MTDH: variants seen among roughly 807,000 people sequenced by gnomAD.
MTDH encodes the protein protein LYRIC.
Under a neutral mutation model 72.7 loss-of-function variants are expected in MTDH, and 34 were observed. That is an observed-to-expected ratio of 0.47 (90% confidence interval 0.36 to 0.62). The LOEUF (loss-of-function observed/expected upper bound fraction) is 0.62. MTDH is among the 20% of genes least tolerant of loss of function. The probability of loss-of-function intolerance (pLI) is 0.00; values close to 1 mark genes in which losing one functional copy is unlikely to be tolerated. For synonymous variants in MTDH, 266 were observed against 268.9 expected (o/e 0.99, Z 0.10); for missense variants, 677 against 699.4 (o/e 0.97, Z 0.36).
chr8:97,711,528 T>C (rs1814636233), intron 8 of MTDH, among the ~76,000 whole-genome samples: 1 of 151,696 alleles, frequency 6.6e-6, no homozygotes, highest in South Asian at 2.1e-4. Context: ...AACAGAGTGA[T>C]CCCCTGTACC....
At chr8:97,678,272 C>T (rs375594807) in intron 2 of MTDH, among the ~76,000 whole-genome samples, 1 of 152,028 alleles carries the variant, frequency 6.6e-6, no homozygotes, top group Admixed American at 6.6e-5. Context: ...CACTGATGGA[C>T]GGCTTTGACT....
chr8:97,663,502 A>G (rs1724606249), intron 2 of MTDH, among the ~76,000 whole-genome samples: 1 of 152,116 alleles, frequency 6.6e-6, no homozygotes, highest in Non-Finnish European at 1.5e-5. Context: ...TAATCCCAGC[A>G]CTTTGGGAGG....
chr8:97,682,197 A>G (rs961237387), intron 2 of MTDH, among the ~76,000 whole-genome samples: 5 of 106,592 alleles, frequency 4.7e-5, no homozygotes, highest in African/African-American at 1.8e-4. Flanking sequence ...ATTTTATTTA[A>G]TCTTATCGGG....
At chr8:97,671,613 G>C (rs1479180888) in intron 2 of MTDH, among the ~76,000 whole-genome samples, 1 of 152,044 alleles carries the variant, frequency 6.6e-6, no homozygotes, top group African/African-American at 2.4e-5. Context: ...TGTAATCCCA[G>C]CACTTTAGGA....
intron 2 of MTDH, among the ~76,000 whole-genome samples, chr8:97,671,697 G>A (rs1426280944): frequency 6.6e-6 from 1 of 152,040 alleles, no homozygotes; most frequent in African/African-American, 2.4e-5. Context: ...ACAAAAATTA[G>A]CTTGGCATGG....
intron 9 of MTDH, among the ~76,000 whole-genome samples, chr8:97,714,350 T>G (rs913942345): frequency 5.9e-5 from 9 of 152,224 alleles, no homozygotes; most frequent in African/African-American, 2.2e-4. Context: ...CAATGGCTCA[T>G]GCCTGTAATC....
intron 1 of MTDH, among the ~76,000 whole-genome samples, chr8:97,649,221 C>T (rs1811672893): frequency 6.6e-6 from 1 of 152,288 alleles, no homozygotes; most frequent in East Asian, 1.9e-4. Context: ...TAATAGTATG[C>T]AGTGTCTTTT....
chr8:97,671,727 C>T (rs1036283456), intron 2 of MTDH, among the ~76,000 whole-genome samples: 6 of 152,026 alleles, frequency 3.9e-5, no homozygotes, highest in Non-Finnish European at 8.8e-5. Context: ...CCTGTAGTCC[C>T]AGCTACTTGG....
intron 9 of MTDH, 136 bp downstream of exon 9, chr8:97,713,905 T>C (rs2131068006): frequency 2.2e-6 from 1 of 455,384 alleles, no homozygotes; most frequent in South Asian, 7.8e-5. Context: ...ATAGACTGTT[T>C]TACATATTCA....
At chr8:97,700,093 T>C (rs1814044629) in intron 7 of MTDH, among the ~76,000 whole-genome samples, 1 of 152,176 alleles carries the variant, frequency 6.6e-6, no homozygotes, top group African/African-American at 2.4e-5. Flanking sequence ...TCTGTAGTAT[T>C]TCTAGTTTTT....
At chr8:97,719,426 G>A (rs1289437613) in intron 10 of MTDH, among the ~76,000 whole-genome samples, 1 of 150,198 alleles carries the variant, frequency 6.7e-6, no homozygotes, top group African/African-American at 2.5e-5. Flanking sequence ...CTGAGAGGCG[G>A]AGGGTGCAGT....
At chr8:97,711,365 C>T (rs953725077) in intron 8 of MTDH, among the ~76,000 whole-genome samples, 5 of 151,434 alleles carry the variant, frequency 3.3e-5, no homozygotes, top group African/African-American at 1.2e-4. Flanking sequence ...AAAAATCAGC[C>T]TGTAGTCCCA....
intron 2 of MTDH, among the ~76,000 whole-genome samples, chr8:97,667,847 AAAAG>A (rs1812452045): frequency 6.6e-6 from 1 of 151,732 alleles, no homozygotes; most frequent in African/African-American, 2.4e-5. Flanking sequence ...AAAAAAAAAA[AAAAG>A]GAAGAAATTT....
At chr8:97,662,674 T>A (rs1812219192) in intron 2 of MTDH, among the ~76,000 whole-genome samples, 2 of 151,606 alleles carry the variant, frequency 1.3e-5, no homozygotes, top group Non-Finnish European at 2.9e-5. Flanking sequence ...TAATCCCAGC[T>A]ACTCGGGAGG....
intron 2 of MTDH, among the ~76,000 whole-genome samples, chr8:97,672,940 T>TG (rs1298929541): frequency 1.3e-5 from 2 of 152,194 alleles, no homozygotes; most frequent in Non-Finnish European, 2.9e-5. Flanking sequence ...TTTAATGACT[T>TG]GGACGATGGA....
At chr8:97,690,538 T>C (rs756617518) in intron 5 of MTDH, among the ~76,000 whole-genome samples, 3 of 152,222 alleles carry the variant, frequency 2.0e-5, no homozygotes, top group South Asian at 4.1e-4. Context: ...TTTTAATTGG[T>C]CTGGGCTGAG....
intron 10 of MTDH, among the ~76,000 whole-genome samples, chr8:97,719,619 G>A (rs75668693): frequency 0.015 from 2,346 of 151,940 alleles, 33 homozygotes; most frequent in South Asian, 0.04. Context: ...AAACAATCCC[G>A]AGAGAAAGGT....
At chr8:97,712,766 C>G (rs1814688250) in intron 8 of MTDH, among the ~76,000 whole-genome samples, 1 of 152,124 alleles carries the variant, frequency 6.6e-6, no homozygotes. Context: ...TATGCATTTC[C>G]CTAATAGCAA....
intron 10 of MTDH, among the ~76,000 whole-genome samples, chr8:97,722,079 T>C (rs1002772317): frequency 1.3e-5 from 2 of 152,100 alleles, no homozygotes; most frequent in Non-Finnish European, 2.9e-5. Context: ...TTGGTGGAAA[T>C]GGACAACAAC....
Sources: gnomAD v4.1 joint callset for allele counts (sites outside exome capture counted in the v4.1 genomes callset) on GRCh38, gnomAD v4.1.1 for gene constraint, MANE v1.5 for transcripts, NCBI Gene and HGNC (gene_info 2026-07-23, HGNC 2026-07-21) for gene names.